Variants in ZBTB7C observed in about 807,000 individuals in gnomAD.
The protein encoded by ZBTB7C is zinc finger and BTB domain-containing protein 7C.
Under a neutral mutation model 25.7 loss-of-function variants are expected in ZBTB7C, and 8 were observed. The observed-to-expected ratio is 0.31, with a 90% CI of 0.18 to 0.56. The LOEUF is 0.56. Ranked by LOEUF, ZBTB7C falls within the 20% of genes least tolerant of loss-of-function variation. ZBTB7C has a pLI of 0.91. For synonymous variants in ZBTB7C, 394 were observed against 369.0 expected (o/e 1.07, Z -0.78); for missense variants, 824 against 855.2 (o/e 0.96, Z 0.46).
intron 3 of ZBTB7C, among the ~76,000 whole-genome samples, chr18:48,127,836 T>A (rs893628864): frequency 6.6e-6 from 1 of 151,990 alleles, no homozygotes; most frequent in East Asian, 1.9e-4. Context: ...GGAGGGAACA[T>A]GGAGAGAAGC....
At chr18:48,053,333 C>T (rs1332540757) in intron 3 of ZBTB7C, among the ~76,000 whole-genome samples, 1 of 152,138 alleles carries the variant, frequency 6.6e-6, no homozygotes, top group Non-Finnish European at 1.5e-5. Context: ...AGGAACACAA[C>T]TCATTCTCCC....
chr18:48,082,712 CTCA>C (rs10599028), intron 3 of ZBTB7C, among the ~76,000 whole-genome samples: 36,713 of 151,954 alleles, frequency 0.24, 7,585 homozygotes, highest in African/African-American at 0.56. Flanking sequence ...TTTATGTAAT[CTCA>C]TCATCCTCAC....
intron 2 of ZBTB7C, among the ~76,000 whole-genome samples, chr18:48,225,010 T>G (rs1396968837): frequency 6.6e-6 from 1 of 152,242 alleles, no homozygotes; most frequent in Non-Finnish European, 1.5e-5. Flanking sequence ...ATTCATCAAT[T>G]GGTTGCAGAA....
chr18:48,271,801 G>T (rs2044494790), intron 2 of ZBTB7C, among the ~76,000 whole-genome samples: 1 of 151,714 alleles, frequency 6.6e-6, no homozygotes. Context: ...TGGTAAATTA[G>T]GAATAGAAAA....
At chr18:48,189,102 T>G (rs926473051) in intron 2 of ZBTB7C, among the ~76,000 whole-genome samples, 1 of 152,222 alleles carries the variant, frequency 6.6e-6, no homozygotes. Flanking sequence ...GGTTGCCGGA[T>G]TGCCTTGCCT....
intron 1 of ZBTB7C, among the ~76,000 whole-genome samples, chr18:48,353,729 A>G (rs1031018325): frequency 6.6e-6 from 1 of 152,156 alleles, no homozygotes; most frequent in Non-Finnish European, 1.5e-5. Flanking sequence ...GCCTGGTTGC[A>G]ATGGCACACG....
intron 2 of ZBTB7C, among the ~76,000 whole-genome samples, chr18:48,315,314 A>T (rs2045923720): frequency 2.0e-5 from 3 of 152,218 alleles, no homozygotes; most frequent in Admixed American, 1.3e-4. Flanking sequence ...TCAAAACCCC[A>T]ACAGGACACA....
intron 2 of ZBTB7C, among the ~76,000 whole-genome samples, chr18:48,195,174 T>C (rs1246941087): frequency 6.6e-6 from 1 of 152,230 alleles, no homozygotes; most frequent in Admixed American, 6.5e-5. Context: ...CACCAAACTT[T>C]TGATGTAACA....
chr18:48,262,526 T>C (rs1568337865), intron 2 of ZBTB7C, among the ~76,000 whole-genome samples: 1 of 152,192 alleles, frequency 6.6e-6, no homozygotes, highest in Non-Finnish European at 1.5e-5. Flanking sequence ...AGGGCTCATA[T>C]AGATGATGTG....
intron 2 of ZBTB7C, among the ~76,000 whole-genome samples, chr18:48,221,189 A>G (rs963573212): frequency 1.4e-4 from 20 of 146,266 alleles, no homozygotes; most frequent in Non-Finnish European, 2.8e-4. Context: ...TGTCTCCTCT[A>G]TACTGTCCCA....
intron 1 of ZBTB7C, among the ~76,000 whole-genome samples, chr18:48,391,749 G>T (rs539986864): frequency 1.0e-3 from 157 of 152,230 alleles, no homozygotes; most frequent in Non-Finnish European, 1.9e-3. Context: ...AGGTGGTCTG[G>T]GTAGGGTGGG....
intron 2 of ZBTB7C, 69 bp downstream of exon 2, chr18:48,338,105 C>G (rs1441094536): frequency 6.6e-6 from 1 of 152,188 alleles, no homozygotes; most frequent in Non-Finnish European, 1.5e-5. Flanking sequence ...TTTATGCTTA[C>G]TGCAAGCTGA....
intron 2 of ZBTB7C, among the ~76,000 whole-genome samples, chr18:48,237,670 G>C (rs1205187339): frequency 6.8e-6 from 1 of 147,136 alleles, no homozygotes; most frequent in Admixed American, 6.9e-5. Flanking sequence ...AAAAAAAAAA[G>C]CAGTTTCATG....
chr18:48,279,577 A>C (rs1245314406), intron 2 of ZBTB7C, among the ~76,000 whole-genome samples: 1 of 152,168 alleles, frequency 6.6e-6, no homozygotes, highest in Non-Finnish European at 1.5e-5. Flanking sequence ...TGATATTAGC[A>C]CAGCCTGCCT....
At chr18:48,352,899 C>T (rs1384542070) in intron 1 of ZBTB7C, among the ~76,000 whole-genome samples, 1 of 152,094 alleles carries the variant, frequency 6.6e-6, no homozygotes, top group Non-Finnish European at 1.5e-5. Flanking sequence ...CCTAGTCCCC[C>T]ACTTCTGCAC....
intron 2 of ZBTB7C, among the ~76,000 whole-genome samples, chr18:48,321,836 C>A (rs1239614553): frequency 6.6e-6 from 1 of 152,172 alleles, no homozygotes; most frequent in Non-Finnish European, 1.5e-5. Context: ...TGCATAAGCA[C>A]CCCCATCTCA....
chr18:48,229,761 G>A (rs984848259), intron 2 of ZBTB7C, among the ~76,000 whole-genome samples: 15 of 152,196 alleles, frequency 9.9e-5, no homozygotes, highest in Non-Finnish European at 1.6e-4. Flanking sequence ...CGAGGAAGAC[G>A]TGGGGGAGTT....
chr18:48,133,388 T>G, intron 3 of ZBTB7C, among the ~76,000 whole-genome samples: 1 of 152,234 alleles, frequency 6.6e-6, no homozygotes, highest in East Asian at 1.9e-4. Context: ...GCATTTCTAT[T>G]TATCTAAACA....
intron 3 of ZBTB7C, among the ~76,000 whole-genome samples, chr18:48,059,411 C>T (rs1374517000): frequency 1.3e-5 from 2 of 152,090 alleles, no homozygotes; most frequent in East Asian, 3.9e-4. Context: ...TGGCTGGTAC[C>T]CTCCTAAGTA....
Sources: gnomAD v4.1 joint callset for allele counts (sites outside exome capture counted in the v4.1 genomes callset) on GRCh38, gnomAD v4.1.1 for gene constraint, MANE v1.5 for transcripts, NCBI Gene and HGNC (gene_info 2026-07-23, HGNC 2026-07-21) for gene names.